ADAM12: variants seen among roughly 807,000 people sequenced by gnomAD.
ADAM12 encodes ADAM metallopeptidase domain 12.
ADAM12 carries 70 observed loss-of-function variants against 106.4 expected under a neutral mutation model. The observed-to-expected ratio is 0.66, with a 90% confidence interval of 0.54 to 0.80. ADAM12 has a LOEUF of 0.80. ADAM12 is among the 30% of genes least tolerant of loss of function. ADAM12 has a pLI of 0.00. For missense variants in ADAM12, 1,010 were observed against 1,171.9 expected (o/e 0.86, Z 2.02); for synonymous variants, 420 against 433.5 (o/e 0.97, Z 0.39).
At chr10:126,025,467 G>A (rs938381108) in intron 21 of ADAM12, among the ~76,000 whole-genome samples, 1 of 152,072 alleles carries the variant, frequency 6.6e-6, no homozygotes, top group African/African-American at 2.4e-5. Flanking sequence ...CCTGAAATAA[G>A]ATGGGCAGAC....
chr10:126,100,156 C>A (rs899153764), intron 9 of ADAM12, among the ~76,000 whole-genome samples: 5 of 151,872 alleles, frequency 3.3e-5, no homozygotes, highest in African/African-American at 1.2e-4. Context: ...GTGTTGGTCA[C>A]CACTGTGTTC....
At chr10:126,252,622 T>G (rs557763883) in intron 3 of ADAM12, among the ~76,000 whole-genome samples, 1 of 152,302 alleles carries the variant, frequency 6.6e-6, no homozygotes, top group Non-Finnish European at 1.5e-5. Flanking sequence ...CTATTTTTGT[T>G]CTATCCAGGC....
chr10:126,130,149 C>T (rs1956277272), intron 5 of ADAM12, among the ~76,000 whole-genome samples: 2 of 151,768 alleles, frequency 1.3e-5, no homozygotes, highest in African/African-American at 4.8e-5. Context: ...TCCCCATTTT[C>T]TTTCTTAACA....
chr10:126,113,688 ATATATATAT>A (rs1168909177), intron 6 of ADAM12, among the ~76,000 whole-genome samples: 390 of 10,162 alleles, frequency 0.038, 40 homozygotes, highest in Admixed American at 0.045. Context: ...AAAAAAAAAA[ATATATATAT>A]ATATATATAT....
intron 1 of ADAM12, among the ~76,000 whole-genome samples, chr10:126,344,293 T>G (rs547711957): frequency 1.1e-4 from 16 of 152,310 alleles, no homozygotes; most frequent in South Asian, 2.1e-4. Flanking sequence ...TTTCCCCATT[T>G]CTTGTTTTTT....
chr10:126,234,443 T>A (rs981163002), intron 3 of ADAM12, among the ~76,000 whole-genome samples: 3 of 152,234 alleles, frequency 2.0e-5, no homozygotes, highest in East Asian at 1.9e-4. Context: ...AAATGCAGAT[T>A]AACGCTGCAT....
At chr10:126,222,086 A>G (rs1958105532) in intron 3 of ADAM12, among the ~76,000 whole-genome samples, 1 of 152,168 alleles carries the variant, frequency 6.6e-6, no homozygotes, top group African/African-American at 2.4e-5. Context: ...TGCTACCTAC[A>G]CGTCACACGT....
intron 11 of ADAM12, among the ~76,000 whole-genome samples, chr10:126,091,256 C>T (rs1296278841): frequency 1.3e-5 from 2 of 152,186 alleles, no homozygotes; most frequent in African/African-American, 4.8e-5. Flanking sequence ...CTCATTGAGT[C>T]CATTCTCCCA....
At chr10:126,330,329 C>T in intron 2 of ADAM12, 83 bp downstream of exon 2, 1 of 1,171,564 alleles carries the variant, frequency 8.5e-7, no homozygotes, top group African/African-American at 1.5e-5. Flanking sequence ...TAGAGACAAC[C>T]CTTGAATGAG....
At chr10:126,213,215 G>A (rs1414718332) in intron 3 of ADAM12, among the ~76,000 whole-genome samples, 2 of 152,120 alleles carry the variant, frequency 1.3e-5, no homozygotes, top group Non-Finnish European at 2.9e-5. Flanking sequence ...TTTGTGTTCT[G>A]GCAAAAGCAT....
At chr10:126,295,581 T>C (rs1320668833) in intron 2 of ADAM12, among the ~76,000 whole-genome samples, 1 of 91,646 alleles carries the variant, frequency 1.1e-5, no homozygotes, top group Non-Finnish European at 2.5e-5. Flanking sequence ...ATCTCTGTTC[T>C]CCTATTGGAA....
At chr10:126,373,362 G>C (rs1416761300) in intron 1 of ADAM12, among the ~76,000 whole-genome samples, 1 of 152,152 alleles carries the variant, frequency 6.6e-6, no homozygotes, top group Non-Finnish European at 1.5e-5. Context: ...CACCCCCAAA[G>C]CTCAGCTTGG....
intron 4 of ADAM12, among the ~76,000 whole-genome samples, chr10:126,152,214 A>C (rs1342599924): frequency 2.0e-5 from 3 of 152,016 alleles, no homozygotes. Context: ...TCAGTATTGA[A>C]AGCTTTTTTG....
chr10:126,228,071 C>G (rs1474959725), intron 3 of ADAM12, among the ~76,000 whole-genome samples: 1 of 152,102 alleles, frequency 6.6e-6, no homozygotes, highest in East Asian at 1.9e-4. Flanking sequence ...AAGGACGGCC[C>G]CAGACACTGC....
At chr10:126,112,395 CT>C (rs1365092266) in intron 6 of ADAM12, among the ~76,000 whole-genome samples, 13 of 151,026 alleles carry the variant, frequency 8.6e-5, no homozygotes, top group Non-Finnish European at 1.5e-4. Flanking sequence ...AAAAAAGAAA[CT>C]GGTTGCTCTA....
At chr10:126,075,395 C>T (rs1448549259) in intron 11 of ADAM12, among the ~76,000 whole-genome samples, 1 of 152,112 alleles carries the variant, frequency 6.6e-6, no homozygotes, top group African/African-American at 2.4e-5. Flanking sequence ...TTATTCAACA[C>T]CGACTAGGTG....
At chr10:126,163,889 G>A (rs1956979928) in intron 3 of ADAM12, among the ~76,000 whole-genome samples, 1 of 152,188 alleles carries the variant, frequency 6.6e-6, no homozygotes, top group African/African-American at 2.4e-5. Context: ...CATTATCATA[G>A]AAACGCAACC....
chr10:126,279,266 T>A (rs1209077787), intron 2 of ADAM12, among the ~76,000 whole-genome samples: 2 of 142,622 alleles, frequency 1.4e-5, no homozygotes, highest in African/African-American at 6.1e-5. Context: ...AAAGTAAAAA[T>A]AAAAAAAATC....
chr10:126,161,394 T>C (rs1956931165), intron 3 of ADAM12, among the ~76,000 whole-genome samples: 2 of 152,178 alleles, frequency 1.3e-5, no homozygotes, highest in South Asian at 4.1e-4. Flanking sequence ...TCCATGACAG[T>C]GTCCGGGTGG....
Sources: gnomAD v4.1 joint callset for allele counts (sites outside exome capture counted in the v4.1 genomes callset) on GRCh38, gnomAD v4.1.1 for gene constraint, MANE v1.5 for transcripts, NCBI Gene and HGNC (gene_info 2026-07-23, HGNC 2026-07-21) for gene names.